Variants in SUFU observed in about 807,000 individuals in gnomAD.
The protein encoded by SUFU is suppressor of fused homolog.
SUFU carries 7 observed loss-of-function variants against 58.9 expected under a neutral mutation model. The ratio of observed to expected loss-of-function variants is 0.12; its 90% CI spans 0.07 to 0.22. SUFU has a LOEUF of 0.22. SUFU is among the 10% of genes least tolerant of loss of function. The pLI is 1.00. For missense variants in SUFU, 451 were observed against 641.3 expected, an observed-to-expected ratio of 0.70 and a Z score of 3.20; for synonymous variants, 232 against 254.8, an observed-to-expected ratio of 0.91 and a Z score of 0.85.
Position 102,599,426 on chromosome 10 carries a change from G to A in SUFU, c.911-7G>A, listed in dbSNP as rs558661774. On this transcript the variant is annotated splice_polypyrimidine_tract_variant and splice_region_variant and intron_variant, in intron 7 of 11. Transcript: ENST00000369902. ...GGCCACTGGGCAACTTAGTGGTGTC[G>A]TTGCAGACACAGAGCAGATCCGGGA... 6.1e-5 allele frequency: 98 copies of A among 1,610,588 alleles called. No individual in the cohort carries two copies. Among genetic ancestry groups the A allele is most frequent in the Non-Finnish European group, 7.6e-5 (90 of 1,176,846 alleles).
intron 3 of SUFU, among the ~76,000 whole-genome samples, chr10:102,589,301 C>T (rs1252442602): frequency 4.6e-5 from 7 of 152,060 alleles, no homozygotes; most frequent in Admixed American, 2.0e-4. Context: ...TTTTTGTACC[C>T]TACAACCTTG....
chr10:102,579,884 T>TC, intron 3 of SUFU: 1 of 984,836 alleles, frequency 1.0e-6, no homozygotes, highest in East Asian at 1.1e-4. Flanking sequence ...GGTTAATTCT[T>TC]GCTTCTACCA....
intron 3 of SUFU, among the ~76,000 whole-genome samples, chr10:102,563,770 C>T (rs1284268431): frequency 4.0e-5 from 6 of 151,572 alleles, no homozygotes; most frequent in African/African-American, 1.5e-4. Context: ...GGAGTGAAGT[C>T]CTTTTTTTTT....
At chr10:102,597,790 A>G (rs1426831727) in intron 7 of SUFU, among the ~76,000 whole-genome samples, 1 of 152,200 alleles carries the variant, frequency 6.6e-6, no homozygotes, top group Non-Finnish European at 1.5e-5. Context: ...TGTCATATAG[A>G]TACAGGGTTA....
intron 3 of SUFU, among the ~76,000 whole-genome samples, chr10:102,585,192 C>T (rs531111320): frequency 6.6e-6 from 1 of 152,266 alleles, no homozygotes; most frequent in South Asian, 2.1e-4. Flanking sequence ...AGTTGTGAAA[C>T]CATCACCATA....
At chr10:102,515,461 G>A (rs565154027) in intron 2 of SUFU, among the ~76,000 whole-genome samples, 6 of 151,924 alleles carry the variant, frequency 3.9e-5, no homozygotes, top group African/African-American at 1.2e-4. Flanking sequence ...GACTACAGGC[G>A]CATGCCACCA....
At position 102,597,125 on chromosome 10, in the gene SUFU, GTTCTT is replaced by G. The variant is rs1060501103; in HGVS notation, c.757-11_757-7del. 3.1e-6 allele frequency: 5 copies of G among 1,614,002 alleles called. No individual in the cohort carries two copies. Among genetic ancestry groups the G allele is most frequent in the Admixed American group, 3.3e-5 (2 of 60,006 alleles). On this transcript the variant is annotated splice_polypyrimidine_tract_variant and intron_variant, in intron 6 of 11. Transcript: ENST00000369902. ...TCTCTGAAAGAACTCTGGCTCTTTG[GTTCTT>G]TTCAAGCAGGAGAGAGTTGACAAAG...
At position 102,553,342 on chromosome 10, in the gene SUFU, T is replaced by C. The variant is rs143213827; in HGVS notation, c.454+3236T>C. On this transcript the variant is annotated intron_variant, in intron 3 of 11. Coordinates refer to ENST00000369902, the MANE Select transcript of SUFU (RefSeq NM_016169.4). ...ATGACTAACATTTAGACTTGTGCTC[T>C]GTGTGCCATTGAATATGTGAGGTTA... 3.4e-4 allele frequency among the ~76,000 whole-genome samples: 52 copies of C among 152,340 alleles called. No homozygotes were observed. In the East Asian group the frequency reaches 9.6e-3, roughly 28 times the overall value.
At chr10:102,603,631 A>T (rs529024695) in intron 8 of SUFU, among the ~76,000 whole-genome samples, 33 of 152,048 alleles carry the variant, frequency 2.2e-4, no homozygotes, top group African/African-American at 4.3e-4. Flanking sequence ...CCTTTAAAAA[A>T]TTTTTTTTGC....
At chr10:102,545,458 T>C (rs2062846029) in intron 2 of SUFU, among the ~76,000 whole-genome samples, 1 of 152,114 alleles carries the variant, frequency 6.6e-6, no homozygotes, top group African/African-American at 2.4e-5. Flanking sequence ...CTTGGGCATA[T>C]ACTTAGGAGT....
chr10:102,531,671 G>A (rs766973363), intron 2 of SUFU, among the ~76,000 whole-genome samples: 39 of 152,266 alleles, frequency 2.6e-4, no homozygotes, highest in Middle Eastern at 3.4e-3. Flanking sequence ...ATAAGGGATT[G>A]GTGCCTTCAA....
Position 102,549,979 on chromosome 10 carries a change from A to G in SUFU, c.327A>G (p.Gly109=), listed in dbSNP as rs2135743007. The change falls in exon 3 of 12, where the codon GGA becomes GGG. Residue 109 remains glycine, a synonymous_variant. Transcript: ENST00000369902. ...YGDNRVHEFT[G]TDGPSGFGFE... ...TTTTTATGTCTTTCAGGTTTACAGG[A>G]ACAGATGGACCTAGTGGTTTTGGCT... 1 of 1,614,186 alleles carries G rather than the reference A, an allele frequency of 6.2e-7. No homozygotes were observed. The highest frequency in any genetic ancestry group is 1.1e-5 in the South Asian group (1 of 91,080).
intron 8 of SUFU, among the ~76,000 whole-genome samples, chr10:102,602,534 C>T (rs1294381268): frequency 6.6e-6 from 1 of 152,176 alleles, no homozygotes; most frequent in African/African-American, 2.4e-5. Flanking sequence ...TTGATGATTC[C>T]AAATCCCAGA....
At chr10:102,569,282 C>G (rs1287892743) in intron 3 of SUFU, among the ~76,000 whole-genome samples, 2 of 152,124 alleles carry the variant, frequency 1.3e-5, no homozygotes, top group Admixed American at 1.3e-4. Flanking sequence ...TGTGTTCTCA[C>G]CTGTAGTCAT....
intron 1 of SUFU, among the ~76,000 whole-genome samples, chr10:102,505,528 C>T (rs1432514926): frequency 6.6e-6 from 1 of 152,198 alleles, no homozygotes; most frequent in African/African-American, 2.4e-5. Flanking sequence ...GTTACCTCTC[C>T]TTTTAGGACT....
At chr10:102,529,674 C>T (rs183319408) in intron 2 of SUFU, among the ~76,000 whole-genome samples, 17 of 150,672 alleles carry the variant, frequency 1.1e-4, no homozygotes, top group African/African-American at 3.7e-4. Context: ...CTACTAAAAC[C>T]CCATCTCTAC....
chr10:102,572,672 G>C, intron 3 of SUFU: 1 of 586,452 alleles, frequency 1.7e-6, no homozygotes, highest in Non-Finnish European at 3.2e-6. Flanking sequence ...ACAGGTGTGA[G>C]TGAGCCACCA....
intron 3 of SUFU, among the ~76,000 whole-genome samples, chr10:102,563,511 G>A (rs919824483): frequency 8.6e-5 from 13 of 151,904 alleles, no homozygotes; most frequent in African/African-American, 2.4e-4. Flanking sequence ...GGAAAGCTAC[G>A]AAAGCATGTT....
chr10:102,519,411 C>G (rs1052948075), intron 2 of SUFU, among the ~76,000 whole-genome samples: 1 of 151,742 alleles, frequency 6.6e-6, no homozygotes, highest in Non-Finnish European at 1.5e-5. Context: ...CCTGTAATCT[C>G]AGCTCTTCAG....
Sources: allele counts gnomAD v4.1 joint callset (sites outside exome capture counted in the v4.1 genomes callset), GRCh38; gene constraint gnomAD v4.1.1; transcripts MANE v1.5; gene names NCBI Gene and HGNC (gene_info 2026-07-23, HGNC 2026-07-21).